Variants in CELF2 observed in about 807,000 individuals in gnomAD.
CELF2 encodes the protein CUG triplet repeat RNA-binding protein 2.
Under a neutral mutation model 62.6 loss-of-function variants are expected in CELF2, and 8 were observed. The observed-to-expected ratio is 0.13, with a 90% CI of 0.07 to 0.23. The LOEUF (loss-of-function observed/expected upper bound fraction) is 0.23. Among genes scored for constraint, CELF2 ranks in the 10% least tolerant of loss-of-function variants. The probability of loss-of-function intolerance (pLI) is 1.00; values close to 1 mark genes in which losing one functional copy is unlikely to be tolerated. For missense variants in CELF2, 333 were observed against 671.0 expected, an observed-to-expected ratio of 0.50 and a Z score of 5.56; for synonymous variants, 258 against 250.0, an observed-to-expected ratio of 1.03 and a Z score of -0.30.
chr10:11,084,231 A>G (rs754415901), intron 1 of CELF2, among the ~76,000 whole-genome samples: 4 of 152,218 alleles, frequency 2.6e-5, no homozygotes, highest in Non-Finnish European at 5.9e-5. Context: ...GGTGTCTGCC[A>G]GATATGGTGG....
intron 1 of CELF2, among the ~76,000 whole-genome samples, chr10:11,062,115 T>A (rs1464291538): frequency 6.6e-6 from 1 of 152,222 alleles, no homozygotes; most frequent in Non-Finnish European, 1.5e-5. Flanking sequence ...GTTTACCGAA[T>A]TTTTTATGCC....
intron 1 of CELF2, among the ~76,000 whole-genome samples, chr10:10,818,206 G>A (rs572731406): frequency 2.0e-5 from 3 of 152,080 alleles, no homozygotes; most frequent in African/African-American, 4.8e-5. Flanking sequence ...GTGTTAATAC[G>A]CATTCACAAG....
the CELF2 span, among the ~76,000 whole-genome samples, chr10:10,555,146 T>C: frequency 6.6e-6 from 1 of 151,982 alleles, no homozygotes; most frequent in Admixed American, 6.6e-5. Flanking sequence ...TACAGATACA[T>C]GAAAGAATGC....
intron 2 of CELF2, among the ~76,000 whole-genome samples, chr10:11,180,057 C>T (rs1438692683): frequency 6.6e-6 from 1 of 152,128 alleles, no homozygotes; most frequent in Non-Finnish European, 1.5e-5. Context: ...TGTTGGTGCT[C>T]CTCAGTCACT....
At chr10:11,259,449 C>T (rs976150734) in intron 5 of CELF2, among the ~76,000 whole-genome samples, 4 of 143,374 alleles carry the variant, frequency 2.8e-5, no homozygotes, top group Admixed American at 7.0e-5. Context: ...AAAAAAAAGG[C>T]GGCATGGAAA....
chr10:10,651,179 G>GGCGTA, the CELF2 span, among the ~76,000 whole-genome samples: 1 of 121,750 alleles, frequency 8.2e-6, no homozygotes, highest in African/African-American at 3.0e-5. Context: ...AAAAAACGGC[G>GGCGTA]CACCACGAGA....
chr10:10,651,110 G>A, the CELF2 span, among the ~76,000 whole-genome samples: 23 of 146,254 alleles, frequency 1.6e-4, no homozygotes, highest in Admixed American at 8.1e-4. Context: ...AAGGGGTGAC[G>A]GATGCACCTG....
In CELF2 at chr10:10,934,959, T is replaced by C. The variant is rs1283084621; in HGVS notation, c.89+14960T>C. 1 of 152,198 alleles carries C rather than the reference T, an allele frequency of 6.6e-6. No homozygotes were observed. Among genetic ancestry groups the C allele is most frequent in the Non-Finnish European group, 1.5e-5 (1 of 68,034 alleles). 9.4% of individuals were successfully genotyped at this position (152,198 alleles called of 1,614,324 possible). A position where few individuals can be genotyped will look rare whatever the true frequency, so the allele number is the denominator to read the frequency against. On this transcript the variant is annotated intron_variant, in intron 2 of 13. Transcript: ENST00000636488. The surrounding 1 kb of genome is among the most constrained non-coding windows in gnomAD (Gnocchi z 4.4). ...GATAAATGCAATACTCAAAAGGATT[T>C]TAATTTCTTCTGGTAATTTCTCAGG...
At chr10:10,584,447 C>A in the CELF2 span, among the ~76,000 whole-genome samples, 2 of 152,160 alleles carry the variant, frequency 1.3e-5, no homozygotes, top group African/African-American at 4.8e-5. Context: ...GAAGTGTGGC[C>A]GCTGGCATTG....
At chr10:10,917,548 C>A (rs2064464468) in intron 1 of CELF2, among the ~76,000 whole-genome samples, 1 of 151,772 alleles carries the variant, frequency 6.6e-6, no homozygotes, top group African/African-American at 2.4e-5. Flanking sequence ...ACTGTGTTGC[C>A]CTGGCTGGCC....
intron 2 of CELF2, among the ~76,000 whole-genome samples, chr10:11,179,654 A>T (rs1194684055): frequency 6.6e-6 from 1 of 152,164 alleles, no homozygotes; most frequent in African/African-American, 2.4e-5. Context: ...TACAAAGATG[A>T]CTACTGGGGC....
chr10:10,476,579 T>G, the CELF2 span, among the ~76,000 whole-genome samples: 1 of 152,140 alleles, frequency 6.6e-6, no homozygotes, highest in Middle Eastern at 3.2e-3. Flanking sequence ...AAGATTTTTA[T>G]GGAAAGTTAA....
chr10:10,550,913 G>A, the CELF2 span, among the ~76,000 whole-genome samples: 1 of 151,574 alleles, frequency 6.6e-6, no homozygotes, highest in Non-Finnish European at 1.5e-5. Context: ...GATCAGGCTG[G>A]TCTCTAACTC....
chr10:10,767,049 C>G, the CELF2 span, among the ~76,000 whole-genome samples: 4 of 152,160 alleles, frequency 2.6e-5, no homozygotes, highest in Non-Finnish European at 4.4e-5. Context: ...GGAGTTAGGA[C>G]ATTTTCCTTC....
At chr10:11,286,432 G>C (rs917383084) in intron 8 of CELF2, among the ~76,000 whole-genome samples, 5 of 152,242 alleles carry the variant, frequency 3.3e-5, no homozygotes, top group African/African-American at 1.2e-4. Context: ...TCATGAGAGA[G>C]CCCAGAGGGC....
At chr10:10,610,290 G>A in the CELF2 span, among the ~76,000 whole-genome samples, 3 of 152,200 alleles carry the variant, frequency 2.0e-5, no homozygotes, top group African/African-American at 7.2e-5. Context: ...TTCATGGTAT[G>A]AAGAATTAAA....
At chr10:11,234,773 G>C (rs113422436) in intron 3 of CELF2, among the ~76,000 whole-genome samples, 3 of 151,414 alleles carry the variant, frequency 2.0e-5, no homozygotes, top group Non-Finnish European at 2.9e-5. Flanking sequence ...CATCCCCATC[G>C]CAATCCTTTC....
intron 1 of CELF2, among the ~76,000 whole-genome samples, chr10:11,023,132 C>T (rs560669672): frequency 6.6e-6 from 1 of 152,234 alleles, no homozygotes; most frequent in South Asian, 2.1e-4. Flanking sequence ...ATTAGGCCAT[C>T]ACAAAGAGTT....
In CELF2 at chr10:11,286,410, A is replaced by G. The variant is rs1285853901; in HGVS notation, c.842-2008A>G. ...GTGGTCTGGTCATGGTTCACGTTAG[A>G]GGAAGCACACATCATGAGAGAGCCC... On this transcript the variant is annotated intron_variant, in intron 8 of 12. Transcript: ENST00000633077. Among the ~76,000 whole-genome samples, 5 of 152,346 alleles carry G rather than the reference A, an allele frequency of 3.3e-5. No individual in the cohort carries two copies. In the East Asian group the frequency reaches 9.6e-4, roughly 29 times the overall value.
Sources: gnomAD v4.1 joint callset for allele counts (sites outside exome capture counted in the v4.1 genomes callset) on GRCh38, gnomAD v4.1.1 for gene constraint, Gnocchi (gnomAD v3.1) non-coding constraint, MANE v1.5 for transcripts, NCBI Gene and HGNC (gene_info 2026-07-23, HGNC 2026-07-21) for gene names.